AHNAK: variants seen among roughly 807,000 people sequenced by gnomAD.
AHNAK encodes neuroblast differentiation-associated protein AHNAK.
A neutral mutation model predicts 37.8 loss-of-function variants in AHNAK; 23 were observed. The ratio of observed to expected loss-of-function variants is 0.61; its 90% CI spans 0.44 to 0.86. The LOEUF (loss-of-function observed/expected upper bound fraction) is 0.86. Among genes scored for constraint, AHNAK ranks in the 40% least tolerant of loss-of-function variants. The pLI is 0.00. For missense variants in AHNAK, 7,411 were observed against 7,319.4 expected (o/e 1.01, Z -0.46); for synonymous variants, 2,481 against 2,636.3 (o/e 0.94, Z 1.80).
At chr11:62,433,706 T>G in exon 6 of AHNAK, 5 of 757,376 alleles carry the variant, frequency 6.6e-6, no homozygotes, top group Non-Finnish European at 1.1e-5. Flanking sequence ...CGGTCTGGCC[T>G]GGCTGGAGCT....
In AHNAK at chr11:62,520,906, C is replaced by A. The variant is rs754715609; in HGVS notation, c.13511G>T (p.Gly4504Val). The change falls in exon 5 of 5, where the codon GGT becomes GTT. Residue 4504 changes from glycine to valine, a missense_variant. Physicochemically the swap from Gly to Val is moderately radical, Grantham distance 109. Transcript: ENST00000378024. ...DIEGPEGKLK[G>V]PKFKMPDVHF... ...TACATCAGGCATCTTAAACTTGGGA[C>A]CTTTGAGCTTCCCTTCAGGACCTTC... is the stretch of plus-strand genomic sequence containing the variant. 2 of 1,614,154 alleles carry A rather than the reference C, an allele frequency of 1.2e-6. No individual in the cohort carries two copies.
rs540330986 is a variant in AHNAK at position 62,449,841 on chromosome 11, C to T, written c.443-15950G>A. On this transcript the variant is annotated intron_variant, in intron 5 of 5. Coordinates refer to the AHNAK transcript ENST00000257247. Reference sequence around the variant, plus strand: ...AATGAGTTGACTCACGATAAAGTATCTTAGCTGATGCCTAGCACAAAGAAA... The same window carrying T: ...AATGAGTTGACTCACGATAAAGTATTTTAGCTGATGCCTAGCACAAAGAAA... Among the ~76,000 whole-genome samples, 10 of 152,288 alleles carry T rather than the reference C, an allele frequency of 6.6e-5. No homozygotes were observed. The South Asian group carries it at 2.1e-3, about 32-fold the overall frequency.
At position 62,530,802 on chromosome 11, in the gene AHNAK, T is replaced by C; in HGVS notation, c.3615A>G (p.Lys1205=). The stretch of plus-strand genomic sequence containing the variant: ...CCACATCCCCTTTGACTTTGGGGCC[T>C]TTCAAGTGTAAGTCCACATCAGGCA... The part of the protein sequence containing the change: ...ISMPDVDLHL[K]GPKVKGDVDV... Residue 1205 remains lysine (K), a synonymous_variant, in exon 5 of 5, where the codon AAA becomes AAG. Transcript: ENST00000378024. 1 of 1,610,156 alleles carries C rather than the reference T, an allele frequency of 6.2e-7. No homozygotes were observed. Among genetic ancestry groups the C allele is most frequent in the East Asian group, 2.2e-5 (1 of 44,514 alleles).
chr11:62,436,018 A>G (rs1476294710), intron 5 of AHNAK, among the ~76,000 whole-genome samples: 2 of 152,206 alleles, frequency 1.3e-5, no homozygotes, highest in Non-Finnish European at 2.9e-5. Context: ...ATAACTACCC[A>G]AGAGCCTCAC....
Position 62,530,899 on chromosome 11 carries a change from C to A in AHNAK, c.3518G>T (p.Gly1173Val). The change falls in exon 5 of 5, where the codon GGT (glycine) becomes GTT (valine). Residue 1173 changes from glycine to valine, a missense_variant. Gly to Val is a moderately radical substitution (Grantham distance 109). Coordinates refer to ENST00000378024, the MANE Select transcript of AHNAK (RefSeq NM_001620.3). Reference protein sequence around the residue: ...DIEAPDVSLEGPEGKLKGPKF... With the variant: ...DIEAPDVSLEVPEGKLKGPKF... ...GGGACCCTTCAGCTTCCCTTCTGGA[C>A]CTTCGAGGCTCACATCTGGGGCTTC... 2 of 1,613,854 alleles carry A rather than the reference C, an allele frequency of 1.2e-6. No homozygotes were observed. The highest frequency in any genetic ancestry group is 1.7e-6 in the Non-Finnish European group (2 of 1,179,992).
chr11:62,527,130 A>G lies in AHNAK; in HGVS notation c.7287T>C (p.Ile2429=), dbSNP rs746975060. 7.4e-6 allele frequency: 12 copies of G among 1,613,864 alleles called. No homozygotes were observed. The East Asian group carries it at 8.9e-5, about 12-fold the overall frequency. Residue 2429 remains isoleucine (I), a synonymous_variant, in exon 5 of 5, where the codon ATT becomes ATC. Coordinates refer to ENST00000378024, the MANE Select transcript of AHNAK (RefSeq NM_001620.3). ...HVDVSGPDID[I]EGPEGKLKGP... is the part of the protein sequence containing the mutation. ...CTTTCAATTTGCCCTCTGGTCCCTC[A>G]ATGTCAATGTCTGGCCCACTGACAT...
rs1389561308 is a variant in AHNAK at position 62,527,693 on chromosome 11, T to G, written c.6724A>C (p.Lys2242Gln). ...TTGGGCATTTTCATCTTAGGCATCT[T>G]CAGGTGCCAGTCTGGGCCATGAACA... ...VDVHGPDWHL[K>Q]MPKMKMPKFS... The change falls in exon 5 of 5, where the codon AAG (lysine) becomes CAG (glutamine). Residue 2242 changes from lysine to glutamine, a missense_variant. By Grantham distance (53) the Lys-to-Gln change is moderately conservative (BLOSUM62 1). Transcript: ENST00000378024. The G allele has an allele frequency of 6.2e-7, 1 of 1,613,910 alleles. No homozygotes were observed. Among genetic ancestry groups the G allele is most frequent in the African/African-American group, 1.3e-5 (1 of 74,850 alleles).
At chr11:62,480,302 G>C (rs1034649889) in intron 5 of AHNAK, among the ~76,000 whole-genome samples, 1 of 152,156 alleles carries the variant, frequency 6.6e-6, no homozygotes, top group African/African-American at 2.4e-5. Flanking sequence ...ATTTCTGCTT[G>C]TGACAGAGTT....
Position 62,523,940 on chromosome 11 carries a change from C to T in AHNAK, c.10477G>A (p.Asp3493Asn), listed in dbSNP as rs755008071. 1 of 1,614,108 alleles carries T rather than the reference C, an allele frequency of 6.2e-7. No individual in the cohort carries two copies. The change falls in exon 5 of 5, where the codon GAT (aspartate) becomes AAT (asparagine). Residue 3493 changes from aspartate (D) to asparagine (N), a missense_variant. Asp to Asn is a conservative substitution (Grantham distance 23, BLOSUM62 1). Coordinates refer to ENST00000378024, the MANE Select transcript of AHNAK (RefSeq NM_001620.3). ...CCTTTTGGTAGATCCACAGCTACAT[C>T]TGGCCCTTCTGCTTTTAAGCCAGAC... ...SVSGLKAEGP[D>N]VAVDLPKGDI...
chr11:62,528,638 C>G lies in AHNAK; in HGVS notation c.5779G>C (p.Val1927Leu), dbSNP rs774494552. The change falls in exon 5 of 5, where the codon GTG becomes CTG. Residue 1927 changes from valine (V) to leucine (L), a missense_variant. Transcript: ENST00000378024. The stretch of plus-strand genomic sequence containing the variant: ...TTGGGGCCTTTCAAGTGTAAGTCCA[C>G]ATCAGGCATGGAGATCTTGGGGGCC... ...FKAPKISMPD[V>L]DLHLKGPKVK... 6.2e-7 allele frequency: 1 copy of G among 1,610,658 alleles called. No individual in the cohort carries two copies. The highest frequency in any genetic ancestry group is 8.5e-7 in the Non-Finnish European group (1 of 1,179,312).
rs769931910 is a variant in AHNAK at position 62,527,209 on chromosome 11, T to C, written c.7208A>G (p.Glu2403Gly). The change falls in exon 5 of 5, where the codon GAG (glutamate) becomes GGG (glycine). Residue 2403 changes from glutamate (E) to glycine (G), a missense_variant. Physicochemically the swap from Glu to Gly is moderately conservative, Grantham distance 98 (BLOSUM62 -2). Coordinates refer to ENST00000378024, the MANE Select transcript of AHNAK (RefSeq NM_001620.3). The stretch of plus-strand genomic sequence containing the variant: ...CAATTTGGGAACATCTACATCCACC[T>C]CTCCTTTTGCCTTGGGGCTCTTCAA... ...LHLKSPKAKG[E>G]VDVDVPKLEG... 8.1e-6 allele frequency: 13 copies of C among 1,611,806 alleles called. No individual in the cohort carries two copies. Among genetic ancestry groups the C allele is most frequent in the African/African-American group, 1.3e-5 (1 of 74,756 alleles).
At chr11:62,484,257 C>G (rs193200483) in intron 5 of AHNAK, among the ~76,000 whole-genome samples, 1 of 150,266 alleles carries the variant, frequency 6.7e-6, no homozygotes, top group Non-Finnish European at 1.5e-5. Flanking sequence ...TAGCACACAC[C>G]GGTAGGTAGT....
intron 5 of AHNAK, among the ~76,000 whole-genome samples, chr11:62,455,860 T>C (rs1286458619): frequency 6.9e-5 from 9 of 130,010 alleles, no homozygotes; most frequent in African/African-American, 2.7e-4. Flanking sequence ...CAAATCTCCA[T>C]CCCCCCAAAA....
In AHNAK at chr11:62,519,532, T is replaced by C. The variant is rs1731386658; in HGVS notation, c.14885A>G (p.Asp4962Gly). ...AACATCTGGCCCTTCGATGTTAATATCTGGGCTGTCCATGTGTACATCTAA... is the reference window on the plus strand; with the variant it reads ...AACATCTGGCCCTTCGATGTTAATACCTGGGCTGTCCATGTGTACATCTAA... ...PSLDVHMDSP[D>G]INIEGPDVKI... Residue 4962 changes from aspartate (D) to glycine (G), a missense_variant, in exon 5 of 5, where the codon GAT (aspartate) becomes GGT (glycine). Asp to Gly is a moderately conservative substitution (Grantham distance 94, BLOSUM62 -1). Transcript: ENST00000378024. 1 of 1,612,960 alleles carries C rather than the reference T, an allele frequency of 6.2e-7. No homozygotes were observed. The highest frequency in any genetic ancestry group is 8.5e-7 in the Non-Finnish European group (1 of 1,179,590).
intron 4 of AHNAK, among the ~76,000 whole-genome samples, chr11:62,492,542 T>C (rs1939521621): frequency 6.6e-6 from 1 of 152,112 alleles, no homozygotes; most frequent in African/African-American, 2.4e-5. Flanking sequence ...ACTCTTTTCA[T>C]GTGTTTGCCC....
In AHNAK at chr11:62,522,621, C is replaced by T; in HGVS notation, c.11796G>A (p.Met3932Ile). The T allele has an allele frequency of 6.2e-7, 1 of 1,612,428 alleles. No individual in the cohort carries two copies. The highest frequency in any genetic ancestry group is 8.5e-7 in the Non-Finnish European group (1 of 1,179,686). Reference protein sequence around the residue: ...DVRGPDWHLKMPKIKMPKISM... With the variant: ...DVRGPDWHLKIPKIKMPKISM... ...TGATCTTGGGCATTTTTATCTTAGG[C>T]ATCTTCAGGTGCCAGTCTGGGCCTC... Residue 3932 changes from methionine (M) to isoleucine (I), a missense_variant, in exon 5 of 5, where the codon ATG (methionine) becomes ATA (isoleucine). By Grantham distance (10) the Met-to-Ile change is conservative. Transcript: ENST00000378024.
At chr11:62,485,519 G>A (rs1380167802) in intron 5 of AHNAK, among the ~76,000 whole-genome samples, 3 of 151,826 alleles carry the variant, frequency 2.0e-5, no homozygotes, top group Admixed American at 6.6e-5. Flanking sequence ...TGGCTAACAC[G>A]GTGAAACCCC....
At chr11:62,488,680 G>A (rs550834100) in intron 5 of AHNAK, among the ~76,000 whole-genome samples, 2 of 151,398 alleles carry the variant, frequency 1.3e-5, no homozygotes, top group East Asian at 2.0e-4. Context: ...CCAAAGTGCT[G>A]GGATTACAGG....
intron 5 of AHNAK, among the ~76,000 whole-genome samples, chr11:62,451,508 C>T (rs556515475): frequency 2.6e-5 from 4 of 152,068 alleles, no homozygotes; most frequent in South Asian, 4.2e-4. Context: ...GAGGCCAAGG[C>T]GGGCAGATAA....
Sources: allele counts gnomAD v4.1 joint callset (sites outside exome capture counted in the v4.1 genomes callset), GRCh38; gene constraint gnomAD v4.1.1; transcripts MANE v1.5; gene names NCBI Gene and HGNC (gene_info 2026-07-23, HGNC 2026-07-21).